The following UNC80 variants were observed in gnomAD, a reference collection of about 807,000 sequenced individuals.
UNC80 encodes unc-80 subunit of NALCN channel complex.
UNC80 carries 164 observed loss-of-function variants against 384.6 expected under a neutral mutation model. That is an observed-to-expected ratio of 0.43 (90% confidence interval 0.38 to 0.49). The LOEUF (loss-of-function observed/expected upper bound fraction) is 0.49. Ranked by LOEUF, UNC80 falls within the 20% of genes least tolerant of loss-of-function variation. The pLI, the probability that UNC80 is intolerant of heterozygous loss-of-function variation, is 0.00. For synonymous variants in UNC80, 1,486 were observed against 1,527.8 expected, an observed-to-expected ratio of 0.97 and a Z score of 0.64; for missense variants, 3,330 against 4,143.0, an observed-to-expected ratio of 0.80 and a Z score of 5.39.
chr2:209,936,828 G>A lies in UNC80; in HGVS notation c.6274-16G>A, dbSNP rs554875331. On this transcript the variant is annotated splice_polypyrimidine_tract_variant and intron_variant, in intron 40 of 64. Transcript: ENST00000673920. ...TCCTGATAAACATTTATTAAAATTT[G>A]TTGCTATTGTTCTAGGAGTGTCTGG... 48 of 1,494,732 alleles carry A rather than the reference G, an allele frequency of 3.2e-5. No individual in the cohort carries two copies. In the African/African-American group the frequency reaches 6.5e-4, roughly 20 times the overall value. 92.6% of individuals were successfully genotyped at this position (1,494,732 alleles called of 1,614,324 possible).
At position 209,889,304 on chromosome 2, in the gene UNC80, G is replaced by A. The variant is rs150107308; in HGVS notation, c.4276+1044G>A. 7.9e-5 allele frequency among the ~76,000 whole-genome samples: 12 copies of A among 152,220 alleles called. No homozygotes were observed. The East Asian group carries it at 1.7e-3, about 22-fold the overall frequency. On this transcript the variant is annotated intron_variant, in intron 26 of 64. Transcript: ENST00000673920. ...TTAAGAAAGATAAAAGTGTTACAGCGTTTACAGAATTTCTTTTGGCCTGGC... is the reference window on the plus strand; with the variant it reads ...TTAAGAAAGATAAAAGTGTTACAGCATTTACAGAATTTCTTTTGGCCTGGC...
chr2:209,995,732 G>A lies in UNC80; in HGVS notation c.*137G>A. On this transcript the variant is annotated 3_prime_UTR_variant, in exon 65 of 65. Transcript: ENST00000673920. Reference sequence around the variant, plus strand: ...CTAATGGGTGGCACAAATCTGAATAGGTTTTGCTGCCAATACACATGATGT... The same window carrying A: ...CTAATGGGTGGCACAAATCTGAATAAGTTTTGCTGCCAATACACATGATGT... 1 of 1,022,046 alleles carries A rather than the reference G, an allele frequency of 9.8e-7. No homozygotes were observed. Among genetic ancestry groups the A allele is most frequent in the Non-Finnish European group, 1.4e-6 (1 of 716,320 alleles). 63.3% of individuals were successfully genotyped at this position (1,022,046 alleles called of 1,614,324 possible).
chr2:209,820,920 G>A (rs532483442), intron 13 of UNC80, among the ~76,000 whole-genome samples: 28 of 152,250 alleles, frequency 1.8e-4, no homozygotes, highest in East Asian at 7.7e-4. Context: ...TTCTCTAGTC[G>A]TTATTTCTGC....
intron 5 of UNC80, among the ~76,000 whole-genome samples, chr2:209,787,130 A>G (rs1461973191): frequency 6.6e-6 from 1 of 152,014 alleles, no homozygotes; most frequent in African/African-American, 2.4e-5. Flanking sequence ...CTATAATTTA[A>G]CACATATATA....
Position 209,820,489 on chromosome 2 carries a change from G to C in UNC80, c.2141G>C (p.Gly714Ala). ...NETLEKRPSE[G>A]AFQFKGVSGS... is the part of the protein sequence containing the mutation. ...ACCTTGGAAAAGAGGCCAAGTGAGG[G>C]AGCTTTCCAATTCAAAGGAGTATCT... Residue 714 changes from glycine to alanine, a missense_variant, in exon 13 of 65, where the codon GGA becomes GCA. By Grantham distance (60) the Gly-to-Ala change is moderately conservative. Coordinates refer to ENST00000673920, the MANE Select transcript of UNC80 (RefSeq NM_001371986.1). The C allele has an allele frequency of 6.4e-7, 1 of 1,551,588 alleles. No individual in the cohort carries two copies. Among genetic ancestry groups the C allele is most frequent in the East Asian group, 2.4e-5 (1 of 40,908 alleles).
chr2:209,953,985 G>T lies in UNC80; in HGVS notation c.7287-115G>T, dbSNP rs1436438760. ...TGCTTTTGATTAGGAGTGGCAAGGG[G>T]CCTTAGAATTCATATATCTCTAGAT... is the stretch of plus-strand genomic sequence containing the variant. On this transcript the variant is annotated intron_variant, in intron 47 of 64. Transcript: ENST00000673920. The T allele has an allele frequency of 6.0e-6, 7 of 1,172,056 alleles. No individual in the cohort carries two copies. In the Admixed American group the frequency reaches 2.2e-4, roughly 37 times the overall value. The allele number at this position is 1,172,056 out of a possible 1,614,324, so 72.6% of individuals were successfully genotyped here.
Position 209,777,270 on chromosome 2 carries a change from A to G in UNC80, c.311A>G (p.Lys104Arg). 1.3e-6 allele frequency: 2 copies of G among 1,594,586 alleles called. No homozygotes were observed. Among genetic ancestry groups the G allele is most frequent in the East Asian group, 4.5e-5 (2 of 44,706 alleles). ...TTGTCCCATGCAGGCCACCAGGATA[A>G]ATTGGGTGTTGCTGAGACAAAGCTC... ...SNRNKLGHQD[K>R]LGVAETKLLH... Residue 104 changes from lysine to arginine, a missense_variant, in exon 4 of 65, where the codon AAA becomes AGA. Lys to Arg is a conservative substitution (Grantham distance 26, BLOSUM62 2). Coordinates refer to ENST00000673920, the MANE Select transcript of UNC80 (RefSeq NM_001371986.1).
In UNC80 at chr2:209,894,128, G is replaced by C. The variant is rs73003386; in HGVS notation, c.4277-35G>C. 72 of 983,436 alleles carry C rather than the reference G, an allele frequency of 7.3e-5. No homozygotes were observed. The East Asian group carries it at 4.8e-3, about 65-fold the overall frequency. The allele number at this position is 983,436 out of a possible 1,614,324, so 60.9% of individuals were successfully genotyped here. ...TATAACACTGGCTGGGGAACACTAG[G>C]GGGGAAAAAGCCCTATTTTATTCTT... On this transcript the variant is annotated intron_variant, in intron 26 of 64. Coordinates refer to ENST00000673920, the MANE Select transcript of UNC80 (RefSeq NM_001371986.1).
At chr2:209,940,753 G>T (rs192146634) in intron 43 of UNC80, among the ~76,000 whole-genome samples, 4 of 152,248 alleles carry the variant, frequency 2.6e-5, no homozygotes, top group Admixed American at 2.0e-4. Context: ...GGAGATGGAG[G>T]TTGCAGTGAG....
chr2:209,817,445 T>C (rs998004282), intron 10 of UNC80, among the ~76,000 whole-genome samples: 1 of 151,934 alleles, frequency 6.6e-6, no homozygotes, highest in African/African-American at 2.4e-5. Context: ...AGATTTTTAT[T>C]AAACTTGGAT....
intron 13 of UNC80, among the ~76,000 whole-genome samples, chr2:209,825,697 A>G (rs2080464605): frequency 6.6e-6 from 1 of 152,208 alleles, no homozygotes; most frequent in African/African-American, 2.4e-5. Context: ...GAGGGTGTTC[A>G]AAATACGTAG....
chr2:209,975,988 G>A (rs113361190), intron 56 of UNC80, 131 bp from the exon 57 acceptor site: 27,866 of 1,002,960 alleles, frequency 0.028, 896 homozygotes, highest in South Asian at 0.13. Flanking sequence ...TACATACGAA[G>A]TTTTTAGAAA....
At chr2:209,807,465 C>T (rs377693416) in intron 7 of UNC80, among the ~76,000 whole-genome samples, 86 of 150,916 alleles carry the variant, frequency 5.7e-4, no homozygotes, top group Middle Eastern at 3.5e-3. Flanking sequence ...CCTGGGTTCA[C>T]GCCATTCTTC....
intron 4 of UNC80, among the ~76,000 whole-genome samples, chr2:209,780,681 C>T (rs2077108402): frequency 6.6e-6 from 1 of 152,102 alleles, no homozygotes; most frequent in African/African-American, 2.4e-5. Flanking sequence ...CCAGATGTTG[C>T]CAAATGTTCA....
rs533267032 is a variant in UNC80, at chr2:209,992,236, G to T, written c.9385G>T (p.Gly3129Cys). Reference protein sequence around the residue: ...LVQQPLGRKRGLRQLRRPLLS... With the variant: ...LVQQPLGRKRCLRQLRRPLLS... ...TCAGCAGCCGCTGGGGAGGAAGAGG[G>T]GCCTGAGGCAGGTAAGTAGACCCTT... The change falls in exon 62 of 65, where the codon GGC (glycine) becomes TGC (cysteine). Residue 3129 changes from glycine to cysteine, a missense_variant. Gly to Cys is a radical substitution (Grantham distance 159). Around this residue, in one of 8 missense-constraint regions of UNC80, gnomAD observed 236 missense variants for 254.9 expected, o/e 0.93. Transcript: ENST00000673920. 1 of 1,551,496 alleles carries T rather than the reference G, an allele frequency of 6.4e-7. No individual in the cohort carries two copies. The highest frequency in any genetic ancestry group is 2.0e-5 in the Admixed American group (1 of 50,982).
intron 25 of UNC80, 99 bp from the exon 26 acceptor site, chr2:209,887,996 C>A: frequency 1.8e-6 from 2 of 1,133,252 alleles, no homozygotes; most frequent in Non-Finnish European, 2.5e-6. Flanking sequence ...GCTGTTTAAA[C>A]GCAGTTGTGT....
intron 7 of UNC80, among the ~76,000 whole-genome samples, chr2:209,810,856 A>G (rs1460758267): frequency 6.6e-6 from 1 of 152,188 alleles, no homozygotes; most frequent in Non-Finnish European, 1.5e-5. Flanking sequence ...GATTTTCACA[A>G]AGCCTTGAGG....
intron 35 of UNC80, 109 bp from the exon 36 acceptor site, chr2:209,926,734 C>A: frequency 7.4e-7 from 1 of 1,355,020 alleles, no homozygotes; most frequent in Non-Finnish European, 1.0e-6. Flanking sequence ...AGTGATCATG[C>A]CACTGTACTC....
Position 209,913,907 on chromosome 2 carries a change from C to T in UNC80, c.4996C>T (p.Leu1666Phe), listed in dbSNP as rs2089234413. 3.9e-6 allele frequency: 6 copies of T among 1,550,736 alleles called. No homozygotes were observed. Among genetic ancestry groups the T allele is most frequent in the Admixed American group, 2.0e-5 (1 of 51,000 alleles). ...CCAGCCAGCTGCCTGGGAGCTCCTGCTCAGCATGGATGAGCACATGGCAGG... is the reference window on the plus strand; with the variant it reads ...CCAGCCAGCTGCCTGGGAGCTCCTGTTCAGCATGGATGAGCACATGGCAGG... ...DIQPAAWELL[L>F]SMDEHMAGAA... The change falls in exon 31 of 65, where the codon CTC (leucine) becomes TTC (phenylalanine). Residue 1666 changes from leucine (L) to phenylalanine (F), a missense_variant. Leu to Phe is a conservative substitution (Grantham distance 22). This residue lies in a region of UNC80 where 801 missense variants were observed against 950.8 expected (regional missense o/e 0.84). Transcript: ENST00000673920.
Sources: allele counts gnomAD v4.1 joint callset (sites outside exome capture counted in the v4.1 genomes callset), GRCh38; gene constraint gnomAD v4.1.1; regional missense constraint gnomAD v4.1.1; transcripts MANE v1.5; gene names NCBI Gene and HGNC (gene_info 2026-07-23, HGNC 2026-07-21).